The following ABTB3 variants were observed in gnomAD, a reference collection of about 807,000 sequenced individuals.
ABTB3 encodes the protein ankyrin repeat and BTB domain containing 3.
chr12:107,468,077 C>A, the ABTB3 span, among the ~76,000 whole-genome samples: 1 of 152,194 alleles, frequency 6.6e-6, no homozygotes, highest in Non-Finnish European at 1.5e-5. Context: ...GTTTTCACAA[C>A]CGAGAAACGC....
the ABTB3 span, among the ~76,000 whole-genome samples, chr12:107,454,225 A>G: frequency 6.6e-6 from 1 of 152,230 alleles, no homozygotes; most frequent in Non-Finnish European, 1.5e-5. Flanking sequence ...TGCCCAGAAG[A>G]TCCACACGTG....
the ABTB3 span, among the ~76,000 whole-genome samples, chr12:107,556,714 A>G: frequency 1.6e-4 from 25 of 152,140 alleles, no homozygotes; most frequent in African/African-American, 6.0e-4. Context: ...TATTGCTAAT[A>G]AAAGTGGAAT....
chr12:107,574,798 A>C, the ABTB3 span, among the ~76,000 whole-genome samples: 2 of 152,230 alleles, frequency 1.3e-5, no homozygotes, highest in African/African-American at 4.8e-5. Flanking sequence ...GCATTTTAAC[A>C]AGATCCCAGG....
the ABTB3 span, among the ~76,000 whole-genome samples, chr12:107,556,648 C>T: frequency 2.6e-5 from 4 of 152,280 alleles, no homozygotes; most frequent in Middle Eastern, 3.4e-3. Flanking sequence ...TAATGTACAT[C>T]GCCCTTCATC....
chr12:107,388,837 T>G, the ABTB3 span, among the ~76,000 whole-genome samples: 1 of 152,228 alleles, frequency 6.6e-6, no homozygotes, highest in Non-Finnish European at 1.5e-5. Flanking sequence ...ATAATGAACA[T>G]GGTCAAGTTG....
the ABTB3 span, among the ~76,000 whole-genome samples, chr12:107,416,411 G>A: frequency 1.3e-5 from 2 of 152,092 alleles, no homozygotes; most frequent in Non-Finnish European, 2.9e-5. Context: ...GTACCCACTC[G>A]TTTATGCTGA....
the ABTB3 span, chr12:107,319,789 G>A: frequency 1.4e-6 from 2 of 1,448,290 alleles, no homozygotes; most frequent in African/African-American, 3.0e-5. Flanking sequence ...CGGCCCCCGC[G>A]GCGGATAAAG....
chr12:107,383,158 G>A, the ABTB3 span, among the ~76,000 whole-genome samples: 16 of 152,290 alleles, frequency 1.1e-4, no homozygotes, highest in South Asian at 1.0e-3. Context: ...GCAGCTCTTC[G>A]TTTTGGGGCA....
chr12:107,408,284 G>T, the ABTB3 span, among the ~76,000 whole-genome samples: 1 of 152,210 alleles, frequency 6.6e-6, no homozygotes, highest in African/African-American at 2.4e-5. Flanking sequence ...GATATTGTTG[G>T]TTATTTTTCT....
the ABTB3 span, among the ~76,000 whole-genome samples, chr12:107,447,179 G>C: frequency 2.6e-5 from 4 of 152,048 alleles, no homozygotes; most frequent in African/African-American, 9.7e-5. Flanking sequence ...TTTCACTCTT[G>C]TTGCCCAGGC....
chr12:107,461,589 A>G, the ABTB3 span, among the ~76,000 whole-genome samples: 3 of 93,310 alleles, frequency 3.2e-5, no homozygotes, highest in East Asian at 3.4e-4. Flanking sequence ...CAGGAAACGA[A>G]TCCATTCGCA....
the ABTB3 span, among the ~76,000 whole-genome samples, chr12:107,387,576 C>G: frequency 2.2e-4 from 34 of 152,232 alleles, 1 homozygote; most frequent in African/African-American, 6.7e-4. Context: ...AACAAGTGTT[C>G]CAGGTACTGC....
At chr12:107,457,656 A>G in the ABTB3 span, among the ~76,000 whole-genome samples, 1 of 152,218 alleles carries the variant, frequency 6.6e-6, no homozygotes. Context: ...GCAGACAGCA[A>G]TAACATGGCT....
At chr12:107,507,284 G>A in the ABTB3 span, among the ~76,000 whole-genome samples, 11 of 152,130 alleles carry the variant, frequency 7.2e-5, no homozygotes, top group African/African-American at 2.7e-4. Flanking sequence ...TGAGAGTCCA[G>A]GGAAGCAGGA....
the ABTB3 span, among the ~76,000 whole-genome samples, chr12:107,535,590 A>C: frequency 6.6e-6 from 1 of 152,220 alleles, no homozygotes; most frequent in African/African-American, 2.4e-5. Context: ...CCAAATCAAC[A>C]TACAAAAATC....
the ABTB3 span, among the ~76,000 whole-genome samples, chr12:107,565,719 A>G: frequency 2.6e-5 from 4 of 152,302 alleles, no homozygotes; most frequent in East Asian, 5.8e-4. Flanking sequence ...GCCACCCTAC[A>G]GCCGGCCCCA....
the ABTB3 span, among the ~76,000 whole-genome samples, chr12:107,608,360 C>A: frequency 6.6e-6 from 1 of 152,210 alleles, no homozygotes; most frequent in African/African-American, 2.4e-5. Flanking sequence ...CCATATCACT[C>A]CTCTCACGGC....
chr12:107,608,105 G>A, the ABTB3 span, among the ~76,000 whole-genome samples: 1 of 152,184 alleles, frequency 6.6e-6, no homozygotes, highest in African/African-American at 2.4e-5. Flanking sequence ...TCTGACTCTG[G>A]CTGACACACC....
the ABTB3 span, among the ~76,000 whole-genome samples, chr12:107,568,248 G>A: frequency 4.6e-5 from 7 of 152,154 alleles, no homozygotes; most frequent in Non-Finnish European, 1.0e-4. Context: ...TTGTAAGATA[G>A]GAATATTATA....
Sources: gnomAD v4.1 joint callset for allele counts (sites outside exome capture counted in the v4.1 genomes callset) on GRCh38, gnomAD v4.1.1 for gene constraint, MANE v1.5 for transcripts, NCBI Gene and HGNC (gene_info 2026-07-23, HGNC 2026-07-21) for gene names.